Variants in GNPAT observed in about 807,000 individuals in gnomAD.
GNPAT encodes the protein glyceronephosphate O-acyltransferase, also known as dihydroxyacetone phosphate acyltransferase.
GNPAT carries 30 observed loss-of-function variants against 78.4 expected under a neutral mutation model. The observed-to-expected ratio is 0.38, with a 90% confidence interval of 0.29 to 0.52. The LOEUF (loss-of-function observed/expected upper bound fraction) is 0.52. GNPAT is among the 20% of genes least tolerant of loss of function. The pLI is 0.84. For synonymous variants in GNPAT, 271 were observed against 281.1 expected (o/e 0.96, Z 0.36); for missense variants, 714 against 812.2 (o/e 0.88, Z 1.47).
chr1:231,252,038 T>C (rs1474010079), intron 2 of GNPAT, among the ~76,000 whole-genome samples: 1 of 152,194 alleles, frequency 6.6e-6, no homozygotes, highest in Non-Finnish European at 1.5e-5. Flanking sequence ...CCATGTTGGA[T>C]TGTATTTTAT....
At chr1:231,252,994 A>G (rs1201451594) in intron 2 of GNPAT, among the ~76,000 whole-genome samples, 1 of 151,924 alleles carries the variant, frequency 6.6e-6, no homozygotes, top group East Asian at 1.9e-4. Flanking sequence ...TTTGAGACGG[A>G]GTCTTACTCT....
chr1:231,242,797 A>G (rs1422394217), intron 1 of GNPAT, among the ~76,000 whole-genome samples: 1 of 152,214 alleles, frequency 6.6e-6, no homozygotes, highest in Non-Finnish European at 1.5e-5. Flanking sequence ...CGGTTCTTTA[A>G]TAAGACTTGA....
rs200208098 is a variant in GNPAT at position 231,270,873 on chromosome 1, C to G, written c.1395C>G (p.Val465=). The G allele has an allele frequency of 1.9e-6, 3 of 1,614,138 alleles. No homozygotes were observed. Among genetic ancestry groups the G allele is most frequent in the Admixed American group, 3.3e-5 (2 of 60,014 alleles). Reference sequence around the variant, plus strand: ...TGGACTCCGGAGACTCGGAAGTGGTCGATGGGCTTATGCTCCAGCACATCA... The same window carrying G: ...TGGACTCCGGAGACTCGGAAGTGGTGGATGGGCTTATGCTCCAGCACATCA... ...LKVDSGDSEV[V]DGLMLQHITL... The change falls in exon 10 of 16, where the codon GTC becomes GTG. Residue 465 remains valine, a synonymous_variant. Transcript: ENST00000366647.
intron 8 of GNPAT, among the ~76,000 whole-genome samples, chr1:231,267,369 C>G (rs755465814): frequency 5.9e-5 from 9 of 152,274 alleles, no homozygotes; most frequent in Admixed American, 2.6e-4. Flanking sequence ...ATTTAGTCTA[C>G]TGGGGCAGGC....
intron 9 of GNPAT, chr1:231,269,762 T>G (rs1685502283): frequency 1.3e-5 from 2 of 152,194 alleles, no homozygotes; most frequent in Admixed American, 6.5e-5. Flanking sequence ...TCTAAAGTGT[T>G]TTGCTTTTTC....
chr1:231,243,675 G>A (rs546248423), intron 1 of GNPAT, among the ~76,000 whole-genome samples: 17 of 152,102 alleles, frequency 1.1e-4, no homozygotes, highest in Admixed American at 7.9e-4. Flanking sequence ...TGTCCTAGAT[G>A]TTGATGTAAA....
intron 1 of GNPAT, among the ~76,000 whole-genome samples, chr1:231,250,662 T>A (rs542665369): frequency 1.3e-5 from 2 of 152,330 alleles, no homozygotes; most frequent in East Asian, 3.9e-4. Context: ...TTGATCAGAT[T>A]ACTCTAGGGC....
At chr1:231,265,843 A>G (rs922376981) in intron 6 of GNPAT, 56 bp downstream of exon 6, 4 of 1,160,354 alleles carry the variant, frequency 3.4e-6, no homozygotes, top group South Asian at 1.2e-5. Context: ...CAGCTGCTAC[A>G]TAAAACTTGA....
intron 1 of GNPAT, among the ~76,000 whole-genome samples, chr1:231,250,492 C>T (rs1216475902): frequency 1.3e-5 from 2 of 152,044 alleles, no homozygotes; most frequent in Non-Finnish European, 2.9e-5. Context: ...TTTATTGGAG[C>T]GCTTGTTTCT....
At chr1:231,273,105 C>G (rs538068222) in intron 11 of GNPAT, among the ~76,000 whole-genome samples, 1 of 152,120 alleles carries the variant, frequency 6.6e-6, no homozygotes, top group Admixed American at 6.5e-5. Context: ...GTCTAGACAG[C>G]TGAGGGGTCA....
In GNPAT at chr1:231,265,325, C is replaced by T; in HGVS notation, c.601C>T (p.Leu201=). ...GGGAATGAAAATGGTTGGTGAGCTG[C>T]TACGAATGTCGGGTGCCTTTTTCAT... ...FLGMKMVGEL[L]RMSGAFFMRR... The change falls in exon 5 of 16, where the codon CTA becomes TTA. Residue 201 remains leucine (L), a synonymous_variant. Coordinates refer to ENST00000366647, the MANE Select transcript of GNPAT (RefSeq NM_014236.4). 12 of 1,612,116 alleles carry T rather than the reference C, an allele frequency of 7.4e-6. No homozygotes were observed. The highest frequency in any genetic ancestry group is 1.0e-5 in the Non-Finnish European group (12 of 1,178,154).
chr1:231,277,399 G>A (rs1401404446), intron 15 of GNPAT, 100 bp from the exon 16 acceptor site: 2 of 796,964 alleles, frequency 2.5e-6, no homozygotes, highest in Admixed American at 1.7e-5. Context: ...CTCTGCACAA[G>A]TCTCCAGCTT....
At chr1:231,270,388 T>A (rs918154688) in intron 9 of GNPAT, among the ~76,000 whole-genome samples, 1 of 152,188 alleles carries the variant, frequency 6.6e-6, no homozygotes, top group Non-Finnish European at 1.5e-5. Context: ...ATTCTTACAT[T>A]CCCGTGCATG....
chr1:231,243,426 C>T (rs148620277), intron 1 of GNPAT, among the ~76,000 whole-genome samples: 3 of 151,988 alleles, frequency 2.0e-5, no homozygotes, highest in Non-Finnish European at 4.4e-5. Context: ...GGGGCTCAAG[C>T]GATTCTCCTG....
intron 4 of GNPAT, among the ~76,000 whole-genome samples, chr1:231,264,280 A>G (rs946094480): frequency 1.3e-5 from 2 of 152,178 alleles, no homozygotes; most frequent in African/African-American, 4.8e-5. Context: ...ATATGGTGTA[A>G]GTTAAGGGTC....
chr1:231,256,333 T>C (rs1346138406), intron 2 of GNPAT, among the ~76,000 whole-genome samples: 1 of 151,800 alleles, frequency 6.6e-6, no homozygotes, highest in Non-Finnish European at 1.5e-5. Flanking sequence ...TAAGATATAT[T>C]ACCTCCTACC....
Position 231,265,377 on chromosome 1 carries a change from T to C in GNPAT, c.653T>C (p.Leu218Pro), listed in dbSNP as rs752586435. Reference protein sequence around the residue: ...FMRRTFGGNKLYWAVFSEYVK... With the variant: ...FMRRTFGGNKPYWAVFSEYVK... ...CGGCGTACCTTTGGTGGCAATAAACTCTACTGGGCTGTATTCTCTGAATAT... is the reference window on the plus strand; with the variant it reads ...CGGCGTACCTTTGGTGGCAATAAACCCTACTGGGCTGTATTCTCTGAATAT... Residue 218 changes from leucine (L) to proline (P), a missense_variant, in exon 5 of 16, where the codon CTC becomes CCC. By Grantham distance (98) the Leu-to-Pro change is moderately conservative. Coordinates refer to ENST00000366647, the MANE Select transcript of GNPAT (RefSeq NM_014236.4). 1 of 1,609,260 alleles carries C rather than the reference T, an allele frequency of 6.2e-7. No individual in the cohort carries two copies. The highest frequency in any genetic ancestry group is 8.5e-7 in the Non-Finnish European group (1 of 1,175,736).
intron 3 of GNPAT, 37 bp downstream of exon 3, chr1:231,260,720 G>T: frequency 7.6e-7 from 1 of 1,318,750 alleles, no homozygotes; most frequent in Non-Finnish European, 1.1e-6. Context: ...AGAAATAAAA[G>T]TCTCATCTTA....
intron 9 of GNPAT, 126 bp from the exon 10 acceptor site, chr1:231,270,632 A>G: frequency 1.1e-6 from 1 of 898,464 alleles, no homozygotes; most frequent in Admixed American, 1.7e-5. Context: ...CGTAATTGGT[A>G]GACAGTAAAA....
Sources: allele counts gnomAD v4.1 joint callset (sites outside exome capture counted in the v4.1 genomes callset), GRCh38; gene constraint gnomAD v4.1.1; transcripts MANE v1.5; gene names NCBI Gene and HGNC (gene_info 2026-07-23, HGNC 2026-07-21).